INSYN2B: variants seen among roughly 807,000 people sequenced by gnomAD.
INSYN2B encodes the protein protein INSYN2B.
In INSYN2B, 16 loss-of-function variants were observed where a neutral mutation model predicts 41.2. That is an observed-to-expected ratio of 0.39 (90% CI 0.26 to 0.59). The LOEUF (loss-of-function observed/expected upper bound fraction) is 0.59. Ranked by LOEUF, INSYN2B falls within the 20% of genes least tolerant of loss-of-function variation. The pLI is 0.57. For synonymous variants in INSYN2B, 245 were observed against 244.4 expected (o/e 1.00, Z -0.02); for missense variants, 608 against 646.4 (o/e 0.94, Z 0.64).
At chr5:169,938,061 T>C (rs984479602) in intron 1 of INSYN2B, among the ~76,000 whole-genome samples, 4 of 152,222 alleles carry the variant, frequency 2.6e-5, no homozygotes, top group Admixed American at 2.0e-4. Flanking sequence ...CACATATTCA[T>C]TTATTCAGTA....
chr5:169,913,030 T>A (rs1234038831), intron 1 of INSYN2B, among the ~76,000 whole-genome samples: 4 of 152,210 alleles, frequency 2.6e-5, no homozygotes, highest in Admixed American at 1.3e-4. Context: ...TGTAGTGCCT[T>A]CTCCACACTC....
At chr5:169,921,496 T>A (rs1036877917) in intron 1 of INSYN2B, among the ~76,000 whole-genome samples, 4 of 152,246 alleles carry the variant, frequency 2.6e-5, no homozygotes, top group Admixed American at 2.6e-4. Flanking sequence ...ACTAAGCACG[T>A]GGATCAACAG....
intron 1 of INSYN2B, among the ~76,000 whole-genome samples, chr5:169,943,993 A>G (rs926976522): frequency 3.3e-5 from 5 of 152,242 alleles, no homozygotes; most frequent in African/African-American, 1.2e-4. Flanking sequence ...GGCTAATAGC[A>G]TGGTGTGACT....
intron 3 of INSYN2B, among the ~76,000 whole-genome samples, chr5:169,868,591 T>G (rs1301164835): frequency 6.6e-6 from 1 of 152,102 alleles, no homozygotes; most frequent in African/African-American, 2.4e-5. Flanking sequence ...AGACACCATC[T>G]CTACAAAAAG....
rs377669202 is a variant in INSYN2B at position 169,928,834 on chromosome 5, C to G, written c.-918-44018G>C. 3.2e-4 allele frequency among the ~76,000 whole-genome samples: 49 copies of G among 152,324 alleles called. 1 individual carries two copies. Among genetic ancestry groups the G allele is most frequent in the South Asian group, 1.9e-3 (9 of 4,826 alleles). ...AGGTTAAATACTACACAAGTAATTACTCAGTGATGAAAATTATTAATTGTG... is the reference window on the plus strand; with the variant it reads ...AGGTTAAATACTACACAAGTAATTAGTCAGTGATGAAAATTATTAATTGTG... On this transcript the variant is annotated intron_variant, in intron 1 of 3. Transcript: ENST00000377365.
rs190035317 is a variant in INSYN2B, at chr5:169,970,833, C to T, written c.-919+9444G>A. On this transcript the variant is annotated intron_variant, in intron 1 of 3. Transcript: ENST00000377365. ...GATCTGATATCTGGGCTCCACCAGG[C>T]CAGCTCTCTGAATGGCATTTTTCAT... Among the ~76,000 whole-genome samples the T allele has an allele frequency of 9.2e-5, 14 of 152,282 alleles. No homozygotes were observed. The East Asian group carries it at 2.5e-3, about 27-fold the overall frequency.
At chr5:169,979,664 T>C (rs1344299488) in intron 1 of INSYN2B, among the ~76,000 whole-genome samples, 5 of 152,182 alleles carry the variant, frequency 3.3e-5, no homozygotes, top group Non-Finnish European at 7.3e-5. Flanking sequence ...AACACTGTCA[T>C]TTTTCATTAA....
chr5:169,943,489 T>C (rs1230860294), intron 1 of INSYN2B, among the ~76,000 whole-genome samples: 1 of 152,180 alleles, frequency 6.6e-6, no homozygotes, highest in East Asian at 1.9e-4. Flanking sequence ...TTTTAGGGCC[T>C]CTCTTGAGAA....
chr5:169,900,984 G>A (rs866058829), intron 1 of INSYN2B, among the ~76,000 whole-genome samples: 4 of 152,162 alleles, frequency 2.6e-5, no homozygotes, highest in East Asian at 1.9e-4. Context: ...ACTTAGTTAC[G>A]GGTAGGAAAG....
At position 169,957,401 on chromosome 5, in the gene INSYN2B, G is replaced by A. The variant is rs1581470503; in HGVS notation, c.-919+22876C>T. 2.0e-5 allele frequency among the ~76,000 whole-genome samples: 3 copies of A among 152,290 alleles called. No homozygotes were observed. In the East Asian group the frequency reaches 5.8e-4, roughly 29 times the overall value. ...TTAGCACATTGTTTAGAACGTAATA[G>A]GCACTCAACCAATGTTAGCTTAGTA... On this transcript the variant is annotated intron_variant, in intron 1 of 3. Transcript: ENST00000377365.
chr5:169,902,488 G>C (rs1480611288), intron 1 of INSYN2B, among the ~76,000 whole-genome samples: 1 of 152,184 alleles, frequency 6.6e-6, no homozygotes, highest in African/African-American at 2.4e-5. Flanking sequence ...TGTAGCAAGA[G>C]GCCACAGGCT....
intron 1 of INSYN2B, among the ~76,000 whole-genome samples, chr5:169,910,469 C>T (rs1427111856): frequency 6.6e-6 from 1 of 152,130 alleles, no homozygotes; most frequent in Non-Finnish European, 1.5e-5. Context: ...ATTGATTGTG[C>T]CGCCTGTGGT....
At chr5:169,978,200 G>C (rs1777786000) in intron 1 of INSYN2B, among the ~76,000 whole-genome samples, 1 of 152,090 alleles carries the variant, frequency 6.6e-6, no homozygotes, top group Admixed American at 6.6e-5. Context: ...GAAGTTGGCT[G>C]TTTCACTCCC....
chr5:169,938,713 T>G (rs1258439394), intron 1 of INSYN2B, among the ~76,000 whole-genome samples: 1 of 152,186 alleles, frequency 6.6e-6, no homozygotes, highest in Non-Finnish European at 1.5e-5. Context: ...TATGCTACAT[T>G]TATTAAAAAT....
At chr5:169,964,601 T>C (rs1777225937) in intron 1 of INSYN2B, among the ~76,000 whole-genome samples, 1 of 152,176 alleles carries the variant, frequency 6.6e-6, no homozygotes, top group African/African-American at 2.4e-5. Flanking sequence ...AGGGCCACCC[T>C]TGAAGGGGCC....
At chr5:169,915,318 C>A (rs549120424) in intron 1 of INSYN2B, among the ~76,000 whole-genome samples, 1 of 152,194 alleles carries the variant, frequency 6.6e-6, no homozygotes, top group African/African-American at 2.4e-5. Flanking sequence ...AAAATCTTTA[C>A]TCAAAATCAT....
At chr5:169,956,022 G>T (rs113651247) in intron 1 of INSYN2B, among the ~76,000 whole-genome samples, 15 of 151,890 alleles carry the variant, frequency 9.9e-5, no homozygotes, top group African/African-American at 3.6e-4. Context: ...AGTCAAATGT[G>T]GGGGAGACAT....
At chr5:169,964,548 C>G (rs924952947) in intron 1 of INSYN2B, among the ~76,000 whole-genome samples, 1 of 152,228 alleles carries the variant, frequency 6.6e-6, no homozygotes, top group Non-Finnish European at 1.5e-5. Context: ...AGCATCTCCG[C>G]CTGGAGGGCT....
chr5:169,902,219 A>G (rs1473238455), intron 1 of INSYN2B, among the ~76,000 whole-genome samples: 1 of 152,228 alleles, frequency 6.6e-6, no homozygotes, highest in East Asian at 1.9e-4. Context: ...CCCCTACAAA[A>G]GAGCTGATGA....
Sources: gnomAD v4.1 joint callset for allele counts (sites outside exome capture counted in the v4.1 genomes callset) on GRCh38, gnomAD v4.1.1 for gene constraint, MANE v1.5 for transcripts, NCBI Gene and HGNC (gene_info 2026-07-23, HGNC 2026-07-21) for gene names.